PGS1: variants seen among roughly 807,000 people sequenced by gnomAD.
PGS1 encodes CDP-diacylglycerol--glycerol-3-phosphate 3-phosphatidyltransferase, mitochondrial.
In PGS1, 44 loss-of-function variants were observed where a neutral mutation model predicts 58.3. That is an observed-to-expected ratio of 0.75 (90% CI 0.59 to 0.97). PGS1 has a LOEUF of 0.97. PGS1 is among the 50% of genes least tolerant of loss of function. The pLI is 0.00. For synonymous variants in PGS1, 330 were observed against 311.0 expected, an observed-to-expected ratio of 1.06 and a Z score of -0.64; for missense variants, 684 against 731.1, an observed-to-expected ratio of 0.94 and a Z score of 0.74.
intron 1 of PGS1, among the ~76,000 whole-genome samples, chr17:78,390,436 A>G (rs1490806538): frequency 6.6e-6 from 1 of 152,222 alleles, no homozygotes; most frequent in Non-Finnish European, 1.5e-5. Context: ...TTTTCTTGGC[A>G]GTGAATCGGC....
At chr17:78,417,848 A>G (rs559579423) in intron 8 of PGS1, among the ~76,000 whole-genome samples, 162 of 151,584 alleles carry the variant, frequency 1.1e-3, no homozygotes, top group African/African-American at 3.8e-3. Context: ...GACACTGAGG[A>G]GAGAGCACTT....
intron 1 of PGS1, among the ~76,000 whole-genome samples, chr17:78,384,278 A>G (rs1036925325): frequency 3.9e-5 from 6 of 152,140 alleles, no homozygotes; most frequent in African/African-American, 9.6e-5. Context: ...ATCCACACTC[A>G]TTTCCCTTAC....
chr17:78,420,019 C>T (rs2085561198), intron 9 of PGS1: 18 of 1,143,290 alleles, frequency 1.6e-5, no homozygotes, highest in Non-Finnish European at 2.0e-5. Context: ...GGCAGAAAGG[C>T]AGATTGAGCC....
intron 9 of PGS1, among the ~76,000 whole-genome samples, chr17:78,423,510 G>A (rs532042197): frequency 6.6e-6 from 1 of 152,182 alleles, no homozygotes; most frequent in Non-Finnish European, 1.5e-5. Context: ...CAGAGGGTGT[G>A]AGTGCCAAGC....
intron 9 of PGS1, among the ~76,000 whole-genome samples, chr17:78,422,112 C>T (rs963998707): frequency 2.0e-5 from 3 of 152,312 alleles, no homozygotes; most frequent in Non-Finnish European, 4.4e-5. Context: ...AATGGAAAAA[C>T]GTCACATTTT....
chr17:78,418,595 ACATTTAGG>A (rs1267158817), intron 8 of PGS1, among the ~76,000 whole-genome samples: 2 of 152,224 alleles, frequency 1.3e-5, no homozygotes, highest in African/African-American at 4.8e-5. Flanking sequence ...TGACTGTTGG[ACATTTAGG>A]TGGTTTCCAG....
Position 78,414,899 on chromosome 17 carries a change from G to T in PGS1, c.1423G>T (p.Gly475Trp). 6.2e-7 allele frequency: 1 copy of T among 1,614,172 alleles called. No homozygotes were observed. The highest frequency in any genetic ancestry group is 1.1e-5 in the South Asian group (1 of 91,076). Residue 475 changes from glycine (G) to tryptophan (W), a missense_variant, in exon 8 of 10, where the codon GGG (glycine) becomes TGG (tryptophan). Physicochemically the swap from Gly to Trp is radical, Grantham distance 184. Coordinates refer to ENST00000262764, the MANE Select transcript of PGS1 (RefSeq NM_024419.5). ...HAKGLWLYLA[G>W]SSLPCLTLIG... is the part of the protein sequence containing the mutation. Reference sequence around the variant, plus strand: ...CGCAGGCCTCTGGCTGTACCTGGCAGGGAGCAGCCTGCCCTGTCTCACGCT... The same window carrying T: ...CGCAGGCCTCTGGCTGTACCTGGCATGGAGCAGCCTGCCCTGTCTCACGCT...
intron 1 of PGS1, among the ~76,000 whole-genome samples, chr17:78,388,740 G>A (rs1320077180): frequency 6.6e-6 from 1 of 152,146 alleles, no homozygotes; most frequent in Non-Finnish European, 1.5e-5. Flanking sequence ...TGAGGCCACT[G>A]GAGGAGAATG....
At chr17:78,420,336 T>A (rs972133206) in intron 9 of PGS1, 68 of 590,414 alleles carry the variant, frequency 1.2e-4, no homozygotes, top group Non-Finnish European at 1.3e-4. Context: ...ACCCCTGGAC[T>A]GTCTTGACGC....
chr17:78,418,865 G>C (rs1391523914), intron 8 of PGS1, among the ~76,000 whole-genome samples: 3 of 152,012 alleles, frequency 2.0e-5, no homozygotes, highest in Middle Eastern at 3.2e-3. Flanking sequence ...GAAAAACTGT[G>C]TCTCATTTAA....
intron 1 of PGS1, among the ~76,000 whole-genome samples, chr17:78,391,502 G>C (rs1031741614): frequency 6.6e-6 from 1 of 152,034 alleles, no homozygotes; most frequent in Non-Finnish European, 1.5e-5. Context: ...TTTTGAGACA[G>C]AGTCTCGTTC....
At chr17:78,401,130 C>T (rs367816447) in intron 6 of PGS1, among the ~76,000 whole-genome samples, 4 of 152,018 alleles carry the variant, frequency 2.6e-5, no homozygotes, top group African/African-American at 7.2e-5. Context: ...GGAGGGAAGA[C>T]GCAGGTGAGG....
intron 7 of PGS1, among the ~76,000 whole-genome samples, chr17:78,404,785 C>T (rs1176811538): frequency 6.6e-6 from 1 of 152,042 alleles, no homozygotes; most frequent in Non-Finnish European, 1.5e-5. Flanking sequence ...CTCAGCCTTC[C>T]GAGTAGATGG....
At chr17:78,404,323 C>T (rs1237343861) in intron 7 of PGS1, among the ~76,000 whole-genome samples, 4 of 147,206 alleles carry the variant, frequency 2.7e-5, no homozygotes, top group Non-Finnish European at 5.9e-5. Flanking sequence ...GCTCTGTTTC[C>T]CAGGCTGGAC....
In PGS1 at chr17:78,420,212, A is replaced by G. The variant is rs2085587828; in HGVS notation, c.*10+537A>G. 2.4e-5 allele frequency: 24 copies of G among 997,186 alleles called. No homozygotes were observed. In the South Asian group the frequency reaches 4.8e-4, roughly 20 times the overall value. The allele number at this position is 997,186 out of a possible 1,614,324, so 61.8% of individuals were successfully genotyped here. A position where few individuals can be genotyped will look rare whatever the true frequency, so the allele number is the denominator to read the frequency against. On this transcript the variant is annotated intron_variant, in intron 9 of 9. Transcript: ENST00000262764. ...GCTGACATCCCTGTGCTGCGGTTACAGAGCTGCGCCCTTCTAGACTCTGGA... is the reference window on the plus strand; with the variant it reads ...GCTGACATCCCTGTGCTGCGGTTACGGAGCTGCGCCCTTCTAGACTCTGGA...
At position 78,424,258 on chromosome 17, in the gene PGS1, G is replaced by C; in HGVS notation, c.*208G>C. 1 of 1,409,212 alleles carries C rather than the reference G, an allele frequency of 7.1e-7. No individual in the cohort carries two copies. The highest frequency in any genetic ancestry group is 9.4e-7 in the Non-Finnish European group (1 of 1,064,488). The allele number at this position is 1,409,212 out of a possible 1,614,324, so 87.3% of individuals were successfully genotyped here. ...CACTCCCCGCCCTCTGCAGAGCTGG[G>C]CTCTACCCCAAAAGGCTTCAGGCCA... On this transcript the variant is annotated 3_prime_UTR_variant, in exon 10 of 10. Transcript: ENST00000262764.
At chr17:78,401,253 A>C (rs12451715) in intron 6 of PGS1, among the ~76,000 whole-genome samples, 92,735 of 151,348 alleles carry the variant, frequency 0.61, 28,447 homozygotes, top group Admixed American at 0.65. Context: ...GCTACTCAGC[A>C]ATGAACACGT....
chr17:78,379,341 C>G (rs796229278), intron 1 of PGS1, among the ~76,000 whole-genome samples: 1 of 152,130 alleles, frequency 6.6e-6, no homozygotes, highest in Non-Finnish European at 1.5e-5. Context: ...TAGTAACACT[C>G]AGGCATGGGA....
rs79946922 is a variant in PGS1, at chr17:78,404,374, C to T, written c.1402+285C>T. Among the ~76,000 whole-genome samples the T allele has an allele frequency of 4.6e-4, 68 of 148,516 alleles. No individual in the cohort carries two copies. The East Asian group carries it at 0.013, about 29-fold the overall frequency. ...TCAGTTCACCGCAACCTCCACTTCC[C>T]GGTTCAAGCAGTCCTCCCACCGTAG... On this transcript the variant is annotated intron_variant, in intron 7 of 9. Transcript: ENST00000262764.
Sources: allele counts gnomAD v4.1 joint callset (sites outside exome capture counted in the v4.1 genomes callset), GRCh38; gene constraint gnomAD v4.1.1; transcripts MANE v1.5; gene names NCBI Gene and HGNC (gene_info 2026-07-23, HGNC 2026-07-21).